The following TMEFF1 variants were observed in gnomAD, a reference collection of about 807,000 sequenced individuals.
The protein encoded by TMEFF1 is transmembrane protein with EGF like and two follistatin like domains 1, also known as tomoregulin-1.
TMEFF1 carries 20 observed loss-of-function variants against 47.5 expected under a neutral mutation model. The observed-to-expected ratio is 0.42, with a 90% CI of 0.30 to 0.61. The LOEUF is 0.61. Ranked by LOEUF, TMEFF1 falls within the 20% of genes least tolerant of loss-of-function variation. The pLI is 0.19. For missense variants in TMEFF1, 411 were observed against 471.1 expected (o/e 0.87, Z 1.18); for synonymous variants, 162 against 166.3 (o/e 0.97, Z 0.20).
At chr9:100,570,594 G>T (rs1057061358) in intron 8 of TMEFF1, among the ~76,000 whole-genome samples, 2 of 151,954 alleles carry the variant, frequency 1.3e-5, no homozygotes, top group Admixed American at 6.6e-5. Context: ...ATAGATGTAT[G>T]GGTTTATTTC....
intron 5 of TMEFF1, among the ~76,000 whole-genome samples, chr9:100,519,935 TCAAA>T (rs1483628249): frequency 1.3e-5 from 2 of 152,100 alleles, no homozygotes; most frequent in African/African-American, 2.4e-5. Flanking sequence ...AAATATTAAG[TCAAA>T]CAAAATTCTG....
chr9:100,565,893 T>C (rs1207060101), intron 8 of TMEFF1, among the ~76,000 whole-genome samples: 1 of 152,116 alleles, frequency 6.6e-6, no homozygotes, highest in Non-Finnish European at 1.5e-5. Context: ...CTCAAAAGAG[T>C]TGTCTAAAGT....
chr9:100,502,124 C>A (rs1837773779), intron 2 of TMEFF1, among the ~76,000 whole-genome samples: 1 of 152,038 alleles, frequency 6.6e-6, no homozygotes. Context: ...TGTTTAATTC[C>A]CCTTTTAAAT....
At chr9:100,518,594 CT>C in intron 5 of TMEFF1, 1 of 735,100 alleles carries the variant, frequency 1.4e-6, no homozygotes, top group Non-Finnish European at 1.7e-6. Flanking sequence ...CAGTTGGTAT[CT>C]TTATCTAGAA....
At chr9:100,505,343 C>T (rs113153310) in intron 2 of TMEFF1, among the ~76,000 whole-genome samples, 1,825 of 123,632 alleles carry the variant, frequency 0.015, 34 homozygotes, top group African/African-American at 0.051. Context: ...ACCTGGGAGG[C>T]GGAGATAGCA....
In TMEFF1 at chr9:100,528,361, TA is replaced by T. The variant is rs1167947568; in HGVS notation, c.560+11591del. 3.5e-3 allele frequency among the ~76,000 whole-genome samples: 518 copies of T among 147,538 alleles called. 2 individuals are homozygous for T. The highest frequency in any genetic ancestry group is 0.013 in the African/African-American group (501 of 38,910). ...ACTTTGAAAAAAATTTAGAAGAATG[TA>T]TAACTAGAATAACCAATACAGAGAA... On this transcript the variant is annotated intron_variant, in intron 5 of 9. Transcript: ENST00000374879.
At chr9:100,537,940 C>T (rs911599889) in intron 5 of TMEFF1, among the ~76,000 whole-genome samples, 2 of 151,814 alleles carry the variant, frequency 1.3e-5, no homozygotes, top group African/African-American at 4.8e-5. Flanking sequence ...TTTTCTGTTT[C>T]CTTAATTTTT....
chr9:100,478,597 G>T lies in TMEFF1; in HGVS notation c.196+4857G>T, dbSNP rs1179246382. Among the ~76,000 whole-genome samples the T allele has an allele frequency of 2.0e-5, 3 of 152,042 alleles. No homozygotes were observed. In the South Asian group the frequency reaches 6.2e-4, roughly 32 times the overall value. ...TTATTCTGGACTTTAGACTTATTGA[G>T]ATTAAAAGAAAAACTTCGATTTTAT... On this transcript the variant is annotated intron_variant, in intron 1 of 9. Coordinates refer to ENST00000374879, the MANE Select transcript of TMEFF1 (RefSeq NM_003692.5).
intron 3 of TMEFF1, among the ~76,000 whole-genome samples, 175 bp downstream of exon 3, chr9:100,509,309 A>T (rs1048108910): frequency 6.6e-6 from 1 of 152,168 alleles, no homozygotes; most frequent in Non-Finnish European, 1.5e-5. Context: ...TTTCAACCCC[A>T]GGTGGTCTTG....
chr9:100,492,902 A>G (rs1436095433), intron 1 of TMEFF1, among the ~76,000 whole-genome samples: 1 of 152,164 alleles, frequency 6.6e-6, no homozygotes. Flanking sequence ...TGGAATCAAT[A>G]TATTTAGGTT....
chr9:100,576,241 T>C lies in TMEFF1; in HGVS notation c.1059-275T>C, dbSNP rs952732557. Among the ~76,000 whole-genome samples, 8 of 152,276 alleles carry C rather than the reference T, an allele frequency of 5.3e-5. No homozygotes were observed. The Middle Eastern group carries it at 0.014, about 259-fold the overall frequency. On this transcript the variant is annotated intron_variant, in intron 9 of 9. Coordinates refer to ENST00000374879, the MANE Select transcript of TMEFF1 (RefSeq NM_003692.5). ...GGGATATCTGTCAGGGATGCATACATAGTAGCATAGACACTGGTAATGAGT... is the reference window on the plus strand; with the variant it reads ...GGGATATCTGTCAGGGATGCATACACAGTAGCATAGACACTGGTAATGAGT...
intron 5 of TMEFF1, among the ~76,000 whole-genome samples, chr9:100,542,486 T>C (rs1838651491): frequency 6.6e-6 from 1 of 152,230 alleles, no homozygotes; most frequent in Non-Finnish European, 1.5e-5. Context: ...AACTTTTTAC[T>C]CCTTCCAAGT....
intron 5 of TMEFF1, among the ~76,000 whole-genome samples, chr9:100,520,779 AG>A (rs1838148094): frequency 6.6e-6 from 1 of 152,216 alleles, no homozygotes; most frequent in Non-Finnish European, 1.5e-5. Context: ...TTATAGGTGA[AG>A]GTGAGTTCAG....
At chr9:100,500,995 G>A (rs181458937) in intron 2 of TMEFF1, among the ~76,000 whole-genome samples, 3 of 152,226 alleles carry the variant, frequency 2.0e-5, no homozygotes, top group Admixed American at 2.0e-4. Flanking sequence ...TGCCAGAAAC[G>A]TGCTCTGAGT....
At chr9:100,562,910 T>G (rs1288975857) in intron 8 of TMEFF1, among the ~76,000 whole-genome samples, 1 of 152,092 alleles carries the variant, frequency 6.6e-6, no homozygotes, top group Non-Finnish European at 1.5e-5. Flanking sequence ...CTCCGCCTCC[T>G]GGGTTCAAGT....
intron 1 of TMEFF1, among the ~76,000 whole-genome samples, chr9:100,493,075 C>A (rs1837584871): frequency 2.0e-5 from 3 of 151,700 alleles, no homozygotes; most frequent in South Asian, 4.2e-4. Context: ...TTGCCCCCTT[C>A]CCCCCTCTCC....
chr9:100,503,973 A>G (rs1435207666), intron 2 of TMEFF1, among the ~76,000 whole-genome samples: 3 of 152,216 alleles, frequency 2.0e-5, no homozygotes, highest in African/African-American at 4.8e-5. Context: ...ATTATTTTCT[A>G]CTTGCTGTAT....
chr9:100,519,647 C>CTT (rs60569330), intron 5 of TMEFF1, among the ~76,000 whole-genome samples: 2,589 of 65,054 alleles, frequency 0.04, 317 homozygotes, highest in East Asian at 0.11. Flanking sequence ...TGCCCAGTGA[C>CTT]TTTTTTTTTT....
At chr9:100,531,036 AC>A (rs1420234094) in intron 5 of TMEFF1, among the ~76,000 whole-genome samples, 4 of 151,272 alleles carry the variant, frequency 2.6e-5, no homozygotes, top group Non-Finnish European at 5.9e-5. Context: ...AAATTCAACA[AC>A]CCTTCATGCT....
Sources: gnomAD v4.1 joint callset for allele counts (sites outside exome capture counted in the v4.1 genomes callset) on GRCh38, gnomAD v4.1.1 for gene constraint, MANE v1.5 for transcripts, NCBI Gene and HGNC (gene_info 2026-07-23, HGNC 2026-07-21) for gene names.